The following KCNK12 variants were observed in gnomAD, a reference collection of about 807,000 sequenced individuals.
The protein encoded by KCNK12 is potassium channel subfamily K member 12.
KCNK12 carries 6 observed loss-of-function variants against 25.3 expected under a neutral mutation model. The observed-to-expected ratio is 0.24, with a 90% CI of 0.13 to 0.47. The LOEUF is 0.47. Ranked by LOEUF, KCNK12 falls within the 20% of genes least tolerant of loss-of-function variation. The pLI is 0.99. For synonymous variants in KCNK12, 331 were observed against 311.1 expected, an observed-to-expected ratio of 1.06 and a Z score of -0.67; for missense variants, 444 against 661.7, an observed-to-expected ratio of 0.67 and a Z score of 3.61.
rs1004496036 is a variant in KCNK12 at position 47,570,760 on chromosome 2, G to A, written c.-429C>T. 3 of 152,526 alleles carry A rather than the reference G, an allele frequency of 2.0e-5. No individual in the cohort carries two copies. The highest frequency in any genetic ancestry group is 7.2e-5 in the African/African-American group (3 of 41,432). The allele number at this position is 152,526 out of a possible 1,614,324, so 9.4% of individuals were successfully genotyped here. A position where few individuals can be genotyped will look rare whatever the true frequency, so the allele number is the denominator to read the frequency against. On this transcript the variant is annotated 5_prime_UTR_variant, in exon 1 of 2. Transcript: ENST00000327876. ...TGGGCCGTGGATCCCGGGCGCCTAG[G>A]ACCGGGACGCGGCAGCAAGGCGTGG...
chr2:47,563,521 C>G lies in KCNK12; in HGVS notation c.391+6420G>C, dbSNP rs1669727351. 4 of 233,212 alleles carry G rather than the reference C, an allele frequency of 1.7e-5. No individual in the cohort carries two copies. In the East Asian group the frequency reaches 2.4e-4, roughly 14 times the overall value. The allele number at this position is 233,212 out of a possible 1,614,324, so 14.4% of individuals were successfully genotyped here. A position where few individuals can be genotyped will look rare whatever the true frequency, so the allele number is the denominator to read the frequency against. On this transcript the variant is annotated intron_variant, in intron 1 of 1. Coordinates refer to ENST00000327876, the MANE Select transcript of KCNK12 (RefSeq NM_022055.2). ...TGACTTGCTGGGTAACTTGGGCAAC[C>G]TCTCCTCCTCTCTGAGCCTTGTGTA...
At position 47,540,643 on chromosome 2, in the gene KCNK12, A is replaced by T. The variant is rs1196031073; in HGVS notation, c.392-18835T>A. Among the ~76,000 whole-genome samples, 2 of 152,186 alleles carry T rather than the reference A, an allele frequency of 1.3e-5. No homozygotes were observed. The highest frequency in any genetic ancestry group is 2.9e-5 in the Non-Finnish European group (2 of 68,026). ...CGATGTCTCTCTTTAAAGATCTGTT[A>T]GGCTAGGCACGGTGGCTTATGCCTG... On this transcript the variant is annotated intron_variant, in intron 1 of 1. Transcript: ENST00000327876. This position sits in a 1 kb window ranked among gnomAD's most constrained non-coding sequence, Gnocchi z 5.4.
rs922610986 is a variant in KCNK12 at position 47,526,500 on chromosome 2, A to G, written c.392-4692T>C. Among the ~76,000 whole-genome samples, 5 of 152,256 alleles carry G rather than the reference A, an allele frequency of 3.3e-5. No homozygotes were observed. In the South Asian group the frequency reaches 1.0e-3, roughly 32 times the overall value. ...TAATCCCCAGCACTTTGGGAGGCCA[A>G]GGTGGGTGCATCACTTGAGGCCAGG... On this transcript the variant is annotated intron_variant, in intron 1 of 1. Transcript: ENST00000327876.
At chr2:47,537,735 C>G (rs954460116) in intron 1 of KCNK12, among the ~76,000 whole-genome samples, 6 of 152,184 alleles carry the variant, frequency 3.9e-5, no homozygotes, top group African/African-American at 1.2e-4. Context: ...TCACTCCCAA[C>G]AAGCACTGTT....
rs1386517124 is a variant in KCNK12, at chr2:47,548,233, T to C, written c.391+21708A>G. Among the ~76,000 whole-genome samples, 4 of 152,222 alleles carry C rather than the reference T, an allele frequency of 2.6e-5. No homozygotes were observed. The highest frequency in any genetic ancestry group is 7.2e-5 in the African/African-American group (3 of 41,452). On this transcript the variant is annotated intron_variant, in intron 1 of 1. Transcript: ENST00000327876. The surrounding 1 kb of genome is among the most constrained non-coding windows in gnomAD (Gnocchi z 4.4). ...GGTATCTTCTTCAGTGATGATAACA[T>C]TGCTTTAGCCAGGGTTAAGAACCAG...
chr2:47,550,543 C>A (rs1032625824), intron 1 of KCNK12, among the ~76,000 whole-genome samples: 1 of 151,690 alleles, frequency 6.6e-6, no homozygotes. Flanking sequence ...CCACCATGCC[C>A]GGCTAATTTT....
At chr2:47,563,345 G>C (rs1003714917) in intron 1 of KCNK12, 2 of 224,868 alleles carry the variant, frequency 8.9e-6, no homozygotes, top group African/African-American at 2.2e-5. Context: ...TATGTGAGCA[G>C]TGTGTGTGTG....
chr2:47,545,354 A>G (rs1171221011), intron 1 of KCNK12, among the ~76,000 whole-genome samples: 4 of 152,220 alleles, frequency 2.6e-5, no homozygotes, highest in Non-Finnish European at 4.4e-5. Flanking sequence ...CAGTGAGGGT[A>G]GCATTAGCCA....
intron 1 of KCNK12, chr2:47,563,008 G>A (rs34486643): frequency 0.038 from 8,860 of 233,474 alleles, 226 homozygotes; most frequent in Middle Eastern, 0.066. Context: ...GGACTCCAGA[G>A]CTGGGGGTGA....
rs1023121857 is a variant in KCNK12, at chr2:47,520,873, T to G, written c.*34A>C. Reference sequence around the variant, plus strand: ...AACCACGCCCGGCGGCCCCGCGGCCTGGAGAGGGTCCCCGGCGCGGGCGGA... The same window carrying G: ...AACCACGCCCGGCGGCCCCGCGGCCGGGAGAGGGTCCCCGGCGCGGGCGGA... On this transcript the variant is annotated 3_prime_UTR_variant, in exon 2 of 2. Transcript: ENST00000327876. The surrounding 1 kb of genome is among the most constrained non-coding windows in gnomAD (Gnocchi z 5.0). 8.1e-7 allele frequency: 1 copy of G among 1,231,402 alleles called. No individual in the cohort carries two copies. Among genetic ancestry groups the G allele is most frequent in the Non-Finnish European group, 1.0e-6 (1 of 984,828 alleles). 76.3% of individuals were successfully genotyped at this position (1,231,402 alleles called of 1,614,324 possible).
chr2:47,520,711 C>A lies in KCNK12; in HGVS notation c.*196G>T, dbSNP rs1002358322. On this transcript the variant is annotated 3_prime_UTR_variant, in exon 2 of 2. Transcript: ENST00000327876. This position sits in a 1 kb window ranked among gnomAD's most constrained non-coding sequence, Gnocchi z 5.0. ...CCACGGTTCTCCAAGAGGGGACTCA[C>A]AAGGAACACAGGCGTCCCCAAAACC... is the stretch of plus-strand genomic sequence containing the variant. 1.0e-4 allele frequency: 42 copies of A among 401,300 alleles called. No homozygotes were observed. Among genetic ancestry groups the A allele is most frequent in the Non-Finnish European group, 1.3e-4 (31 of 231,138 alleles). 24.9% of individuals were successfully genotyped at this position (401,300 alleles called of 1,614,324 possible).
At chr2:47,534,262 AG>A (rs1558552900) in intron 1 of KCNK12, among the ~76,000 whole-genome samples, 2 of 151,960 alleles carry the variant, frequency 1.3e-5, no homozygotes, top group African/African-American at 4.8e-5. Context: ...TCTGGGATTA[AG>A]GTTTTCTCTC....
At position 47,565,600 on chromosome 2, in the gene KCNK12, T is replaced by C. The variant is rs1669773972; in HGVS notation, c.391+4341A>G. On this transcript the variant is annotated intron_variant, in intron 1 of 1. Transcript: ENST00000327876. The surrounding 1 kb of genome is among the most constrained non-coding windows in gnomAD (Gnocchi z 5.0). ...TATTTCTGTTTATATCAAGCTGCCA[T>C]TTGAGAAAGATTTTAAAATATGTTC... The C allele has an allele frequency of 6.6e-6, 1 of 152,216 alleles. No individual in the cohort carries two copies. The highest frequency in any genetic ancestry group is 2.1e-4 in the South Asian group (1 of 4,834). The allele number at this position is 152,216 out of a possible 1,614,324, so 9.4% of individuals were successfully genotyped here.
rs1669192955 is a variant in KCNK12, at chr2:47,541,280, A to C, written c.392-19472T>G. ...GTGCTGTGCTAGGACACGGTCCTGC[A>C]CTCTTAGAGTTTGTGGTTCAGTTAT... On this transcript the variant is annotated intron_variant, in intron 1 of 1. Transcript: ENST00000327876. Among the ~76,000 whole-genome samples, 6 of 152,234 alleles carry C rather than the reference A, an allele frequency of 3.9e-5. No individual in the cohort carries two copies. In the South Asian group the frequency reaches 1.0e-3, roughly 26 times the overall value.
At chr2:47,524,331 CTAAA>C (rs1431083673) in intron 1 of KCNK12, among the ~76,000 whole-genome samples, 3 of 152,162 alleles carry the variant, frequency 2.0e-5, no homozygotes, top group Admixed American at 6.5e-5. Flanking sequence ...AACAACACAA[CTAAA>C]TGATTGTCTA....
Position 47,566,032 on chromosome 2 carries a change from C to G in KCNK12, c.391+3909G>C, listed in dbSNP as rs1037634905. The G allele has an allele frequency of 3.3e-5, 5 of 152,152 alleles. No homozygotes were observed. The highest frequency in any genetic ancestry group is 6.5e-5 in the Admixed American group (1 of 15,286). 9.4% of individuals were successfully genotyped at this position (152,152 alleles called of 1,614,324 possible). On this transcript the variant is annotated intron_variant, in intron 1 of 1. Transcript: ENST00000327876. This position sits in a 1 kb window ranked among gnomAD's most constrained non-coding sequence, Gnocchi z 4.1. Reference sequence around the variant, plus strand: ...CATAAATGGGAGAAATAATAATTACCCAGGATTTCAGTTCAGTGTAAGCAA... The same window carrying G: ...CATAAATGGGAGAAATAATAATTACGCAGGATTTCAGTTCAGTGTAAGCAA...
intron 1 of KCNK12, among the ~76,000 whole-genome samples, chr2:47,542,392 C>A (rs867361423): frequency 6.6e-6 from 1 of 152,236 alleles, no homozygotes; most frequent in Non-Finnish European, 1.5e-5. Flanking sequence ...CAACACTAGG[C>A]GCTTAGTAGA....
chr2:47,525,954 C>T lies in KCNK12; in HGVS notation c.392-4146G>A, dbSNP rs1464838193. On this transcript the variant is annotated intron_variant, in intron 1 of 1. Coordinates refer to ENST00000327876, the MANE Select transcript of KCNK12 (RefSeq NM_022055.2). This position sits in a 1 kb window ranked among gnomAD's most constrained non-coding sequence, Gnocchi z 4.1. ...ATGTAAGATCACCCCCATGCCCCAT[C>T]CACTGCGGGTCCCCTGAGCCATGTG... is the stretch of plus-strand genomic sequence containing the variant. 6.6e-6 allele frequency among the ~76,000 whole-genome samples: 1 copy of T among 152,212 alleles called. No homozygotes were observed. The highest frequency in any genetic ancestry group is 1.5e-5 in the Non-Finnish European group (1 of 68,040).
In KCNK12 at chr2:47,521,827, G is replaced by A; in HGVS notation, c.392-19C>T. 1 of 1,500,402 alleles carries A rather than the reference G, an allele frequency of 6.7e-7. No homozygotes were observed. The highest frequency in any genetic ancestry group is 8.9e-7 in the Non-Finnish European group (1 of 1,129,542). 92.9% of individuals were successfully genotyped at this position (1,500,402 alleles called of 1,614,324 possible). ...CCGAAACCTGTGGAGACAGGGCAGG[G>A]TCAGCGCGGTCCTGGCCGCGCAGGT... On this transcript the variant is annotated intron_variant, in intron 1 of 1. Coordinates refer to ENST00000327876, the MANE Select transcript of KCNK12 (RefSeq NM_022055.2).
Sources: allele counts gnomAD v4.1 joint callset (sites outside exome capture counted in the v4.1 genomes callset), GRCh38; gene constraint gnomAD v4.1.1; non-coding constraint Gnocchi (gnomAD v3.1); transcripts MANE v1.5; gene names NCBI Gene and HGNC (gene_info 2026-07-23, HGNC 2026-07-21).